PDE7B: variants seen among roughly 807,000 people sequenced by gnomAD.
PDE7B encodes phosphodiesterase 7B.
A neutral mutation model predicts 56.2 loss-of-function variants in PDE7B; 29 were observed. The ratio of observed to expected loss-of-function variants is 0.52; its 90% confidence interval spans 0.38 to 0.70. The LOEUF (loss-of-function observed/expected upper bound fraction) is 0.70, where lower values mean the gene tolerates loss of function less well. Ranked by LOEUF, PDE7B falls within the 30% of genes least tolerant of loss-of-function variation. PDE7B has a pLI of 0.00. For missense variants in PDE7B, 490 were observed against 565.0 expected (o/e 0.87, Z 1.35); for synonymous variants, 197 against 196.9 (o/e 1.00, Z 0.00).
chr6:136,173,923 A>C, intron 9 of PDE7B, 35 bp downstream of exon 9: 1 of 1,452,170 alleles, frequency 6.9e-7, no homozygotes, highest in Non-Finnish European at 9.7e-7. Flanking sequence ...ACTGATGTGC[A>C]TGCAGTAAAG....
At chr6:136,050,895 T>TCTC (rs548827935) in intron 2 of PDE7B, among the ~76,000 whole-genome samples, 2 of 151,818 alleles carry the variant, frequency 1.3e-5, no homozygotes, top group Non-Finnish European at 2.9e-5. Flanking sequence ...TCTGAAACTT[T>TCTC]CTCCTCCTCC....
At chr6:136,017,936 A>G (rs1776005220) in intron 2 of PDE7B, among the ~76,000 whole-genome samples, 1 of 152,174 alleles carries the variant, frequency 6.6e-6, no homozygotes, top group Admixed American at 6.5e-5. Context: ...TTCCTACATG[A>G]AGCATTGTTG....
chr6:135,852,876 T>C (rs1774963643), intron 1 of PDE7B, among the ~76,000 whole-genome samples: 1 of 152,202 alleles, frequency 6.6e-6, no homozygotes, highest in Non-Finnish European at 1.5e-5. Context: ...ACTATTGCAA[T>C]AAGAGTAAAC....
At chr6:136,180,419 CT>C (rs1779044135) in intron 10 of PDE7B, among the ~76,000 whole-genome samples, 1 of 150,578 alleles carries the variant, frequency 6.6e-6, no homozygotes, top group African/African-American at 2.5e-5. Context: ...ACACTTACCT[CT>C]ACTTCAACAT....
At chr6:136,139,105 G>A (rs1227998402) in intron 3 of PDE7B, among the ~76,000 whole-genome samples, 3 of 152,072 alleles carry the variant, frequency 2.0e-5, no homozygotes, top group Admixed American at 6.6e-5. Context: ...ATCTCCTAAT[G>A]CTATCCCTCC....
At chr6:135,928,283 T>A (rs976027057) in intron 1 of PDE7B, among the ~76,000 whole-genome samples, 2 of 150,090 alleles carry the variant, frequency 1.3e-5, no homozygotes, top group Non-Finnish European at 3.0e-5. Context: ...GCAATCTCAC[T>A]ACTGGGTATC....
intron 2 of PDE7B, among the ~76,000 whole-genome samples, chr6:136,018,308 A>T (rs1051032172): frequency 1.3e-5 from 2 of 152,178 alleles, no homozygotes; most frequent in African/African-American, 4.8e-5. Flanking sequence ...GCAGCCCATA[A>T]ATTAAGAGTC....
intron 3 of PDE7B, among the ~76,000 whole-genome samples, chr6:136,147,077 G>C (rs993878112): frequency 6.6e-6 from 1 of 152,022 alleles, no homozygotes; most frequent in African/African-American, 2.4e-5. Context: ...AGGAGGCAGA[G>C]GTTGAAGTGA....
intron 8 of PDE7B, chr6:136,156,002 G>A (rs1232352691): frequency 6.6e-6 from 4 of 609,650 alleles, no homozygotes; most frequent in Non-Finnish European, 1.2e-5. Context: ...CGATACAATT[G>A]TTTTTTAAAA....
chr6:136,119,052 C>T (rs1328692943), intron 3 of PDE7B, among the ~76,000 whole-genome samples: 1 of 152,040 alleles, frequency 6.6e-6, no homozygotes, highest in Admixed American at 6.6e-5. Context: ...GTAAGCTGCC[C>T]CCAAAGAAGA....
intron 2 of PDE7B, among the ~76,000 whole-genome samples, chr6:136,105,762 G>C (rs1312066309): frequency 6.6e-6 from 1 of 152,152 alleles, no homozygotes; most frequent in Non-Finnish European, 1.5e-5. Context: ...GAGCCCCCAA[G>C]TTCCCAGTGT....
intron 2 of PDE7B, 46 bp downstream of exon 2, chr6:135,947,570 T>C: frequency 2.2e-6 from 3 of 1,373,224 alleles, no homozygotes; most frequent in Non-Finnish European, 3.1e-6. Context: ...GTTGATGTCA[T>C]GTGGAGTTAT....
chr6:135,888,037 C>T (rs1044374632), intron 1 of PDE7B, among the ~76,000 whole-genome samples: 5 of 152,136 alleles, frequency 3.3e-5, no homozygotes, highest in Non-Finnish European at 7.4e-5. Context: ...TATGTCATCT[C>T]TTAATTCTCT....
chr6:136,144,588 CTAA>C (rs1315372126), intron 3 of PDE7B, among the ~76,000 whole-genome samples: 2 of 152,094 alleles, frequency 1.3e-5, no homozygotes, highest in African/African-American at 2.4e-5. Flanking sequence ...CAAAATTGTG[CTAA>C]TAATGTCATT....
chr6:135,856,196 T>G (rs1477951396), intron 1 of PDE7B, among the ~76,000 whole-genome samples: 1 of 152,112 alleles, frequency 6.6e-6, no homozygotes, highest in Non-Finnish European at 1.5e-5. Flanking sequence ...GTTTGAGAAT[T>G]CCTCCCCAGA....
chr6:136,084,886 T>A (rs1381724231), intron 2 of PDE7B, among the ~76,000 whole-genome samples: 1 of 152,338 alleles, frequency 6.6e-6, no homozygotes, highest in East Asian at 1.9e-4. Context: ...TTCATTTCAA[T>A]TTCAAGGTGG....
At chr6:136,029,012 G>C (rs965887224) in intron 2 of PDE7B, among the ~76,000 whole-genome samples, 1 of 152,172 alleles carries the variant, frequency 6.6e-6, no homozygotes, top group African/African-American at 2.4e-5. Flanking sequence ...TACAGGACTA[G>C]GTGAGTGGGA....
chr6:135,854,249 T>G (rs1774985794), intron 1 of PDE7B, among the ~76,000 whole-genome samples: 1 of 152,182 alleles, frequency 6.6e-6, no homozygotes, highest in South Asian at 2.1e-4. Context: ...AAGGAATTTA[T>G]TAAGTGGTAA....
intron 1 of PDE7B, among the ~76,000 whole-genome samples, chr6:135,892,522 A>G (rs915188122): frequency 6.6e-6 from 1 of 152,214 alleles, no homozygotes; most frequent in Non-Finnish European, 1.5e-5. Context: ...CTAGTGAAGC[A>G]TATGAAAGGA....
Sources: allele counts gnomAD v4.1 joint callset (sites outside exome capture counted in the v4.1 genomes callset), GRCh38; gene constraint gnomAD v4.1.1; transcripts MANE v1.5; gene names NCBI Gene and HGNC (gene_info 2026-07-23, HGNC 2026-07-21).